FGF13: variants seen among roughly 807,000 people sequenced by gnomAD.
FGF13 encodes fibroblast growth factor 13.
In FGF13, 2 loss-of-function variants were observed where a neutral mutation model predicts 19.5. The ratio of observed to expected loss-of-function variants is 0.10; its 90% CI spans 0.04 to 0.32. FGF13 has a LOEUF of 0.32. Among genes scored for constraint, FGF13 ranks in the 10% least tolerant of loss-of-function variants. The pLI is 1.00. For synonymous variants in FGF13, 72 were observed against 76.9 expected (o/e 0.94, Z 0.33); for missense variants, 113 against 192.7 (o/e 0.59, Z 2.45).
At chrX:138,670,608 A>G (rs2089601132) in intron 3 of FGF13, among the ~76,000 whole-genome samples, 1 of 111,927 alleles carries the variant, frequency 8.9e-6, no homozygotes, top group South Asian at 3.7e-4. Context: ...ATTTACATAC[A>G]ATCAAGTAGA....
intron 1 of FGF13, among the ~76,000 whole-genome samples, chrX:138,886,840 G>A (rs1304045622): frequency 8.9e-6 from 1 of 111,894 alleles, no homozygotes; most frequent in Non-Finnish European, 1.9e-5. Context: ...TGACCACAAA[G>A]TACTATGGAT....
intron 3 of FGF13, among the ~76,000 whole-genome samples, chrX:138,645,990 AATGTT>A (rs1471079756): frequency 8.0e-5 from 9 of 112,358 alleles, no homozygotes; most frequent in African/African-American, 2.6e-4. Flanking sequence ...ACAAAACTAC[AATGTT>A]ATTATCTCAC....
intron 3 of FGF13, among the ~76,000 whole-genome samples, chrX:138,753,010 A>G (rs1257575307): frequency 8.9e-6 from 1 of 112,040 alleles, no homozygotes; most frequent in Non-Finnish European, 1.9e-5. Context: ...AACTAACCAT[A>G]TTACAGAATA....
chrX:138,983,414 T>TATATATATATATATATATATATA (rs2091972165), intron 1 of FGF13, among the ~76,000 whole-genome samples: 5 of 81,196 alleles, frequency 6.2e-5, no homozygotes, highest in Admixed American at 1.4e-4. Context: ...TAAGTTGATC[T>TATATATATATATATATATATATA]TATATATATA....
intron 1 of FGF13, among the ~76,000 whole-genome samples, chrX:139,075,663 C>T (rs911481740): frequency 1.8e-5 from 2 of 111,690 alleles, no homozygotes; most frequent in Non-Finnish European, 3.8e-5. Flanking sequence ...AGAAGGCTCT[C>T]AACTTGTCCA....
At chrX:139,152,663 C>T (rs947307225) in intron 1 of FGF13, among the ~76,000 whole-genome samples, 2 of 111,098 alleles carry the variant, frequency 1.8e-5, no homozygotes, top group African/African-American at 6.6e-5. Context: ...TGACTTCCCA[C>T]TGCCCAGGGG....
chrX:138,765,068 A>G (rs1292437800), intron 3 of FGF13, among the ~76,000 whole-genome samples: 1 of 112,191 alleles, frequency 8.9e-6, no homozygotes, highest in Non-Finnish European at 1.9e-5. Flanking sequence ...TTTGGATATG[A>G]GTTCTATCAT....
At chrX:138,909,065 G>C (rs2091573924) in intron 1 of FGF13, among the ~76,000 whole-genome samples, 1 of 112,192 alleles carries the variant, frequency 8.9e-6, no homozygotes, top group Admixed American at 9.5e-5. Flanking sequence ...AGGCTGCTTA[G>C]ACATGCTAAA....
At chrX:138,891,310 T>C (rs536490129) in intron 1 of FGF13, among the ~76,000 whole-genome samples, 1 of 111,403 alleles carries the variant, frequency 9.0e-6, no homozygotes, top group Non-Finnish European at 1.9e-5. Context: ...AAATTGTTCC[T>C]CACAGTTCTG....
chrX:138,777,474 A>G (rs930927823), intron 3 of FGF13, among the ~76,000 whole-genome samples: 1 of 111,967 alleles, frequency 8.9e-6, no homozygotes, highest in Non-Finnish European at 1.9e-5. Flanking sequence ...TTTTGTCCCA[A>G]CAAAGGAGAA....
intron 1 of FGF13, among the ~76,000 whole-genome samples, chrX:139,059,469 A>C (rs1325691767): frequency 9.1e-6 from 1 of 110,472 alleles, no homozygotes; most frequent in Non-Finnish European, 1.9e-5. Flanking sequence ...CTCTAAGTAA[A>C]AAAGGCCAGG....
At chrX:139,179,651 AGATTGCTATGAG>A (rs1310262646) in intron 1 of FGF13, among the ~76,000 whole-genome samples, 1 of 112,467 alleles carries the variant, frequency 8.9e-6, no homozygotes, top group Non-Finnish European at 1.9e-5. Flanking sequence ...CAACCTCACA[AGATTGCTATGAG>A]GATTAAACCT....
rs2090669728 is a variant in FGF13 at position 138,783,883 on chromosome X, T to C, written c.217+73629A>G. On this transcript the variant is annotated intron_variant, in intron 3 of 6. Transcript: ENST00000436198. ...ATGCACATGTATGTCTATTGCGACA[T>C]TATTCACGATAGCAAAGACTTGGAA... Among the ~76,000 whole-genome samples the C allele has an allele frequency of 4.5e-5, 5 of 110,044 alleles. No homozygotes were observed. The South Asian group carries it at 2.0e-3, about 45-fold the overall frequency.
intron 2 of FGF13, among the ~76,000 whole-genome samples, chrX:138,707,659 A>C (rs2090005016): frequency 8.9e-6 from 1 of 112,301 alleles, no homozygotes; most frequent in South Asian, 3.7e-4. Flanking sequence ...TTAATATCAC[A>C]ACAGTGACAT....
chrX:138,839,005 A>G (rs1431271087), intron 3 of FGF13, among the ~76,000 whole-genome samples: 2 of 111,534 alleles, frequency 1.8e-5, no homozygotes, highest in Non-Finnish European at 3.8e-5. Flanking sequence ...TTAATTGCCA[A>G]TGTGATGGTA....
chrX:138,971,937 G>A lies in FGF13; in HGVS notation c.-112-107287C>T, dbSNP rs144453931. ...ATTTTTTTAGATTCCACATGTAAGT[G>A]AGATCACATCATATTTGCCCTTCTG... On this transcript the variant is annotated intron_variant, in intron 1 of 2. Coordinates refer to the FGF13 transcript ENST00000421460. 2.0e-4 allele frequency among the ~76,000 whole-genome samples: 22 copies of A among 111,481 alleles called. No individual in the cohort carries two copies. The East Asian group carries it at 6.2e-3, about 31-fold the overall frequency.
intron 1 of FGF13, among the ~76,000 whole-genome samples, chrX:139,199,300 G>T (rs2084397314): frequency 9.0e-6 from 1 of 110,872 alleles, no homozygotes; most frequent in East Asian, 2.8e-4. Flanking sequence ...AATGCACATG[G>T]TTTTTCCCCC....
intron 1 of FGF13, among the ~76,000 whole-genome samples, chrX:138,909,609 A>G (rs2091576822): frequency 8.9e-6 from 1 of 112,020 alleles, no homozygotes; most frequent in Admixed American, 9.5e-5. Flanking sequence ...ACAAGGGCCA[A>G]TAGCAGGGCT....
chrX:138,827,585 T>G (rs1433346450), intron 3 of FGF13, among the ~76,000 whole-genome samples: 1 of 111,267 alleles, frequency 9.0e-6, no homozygotes, highest in Non-Finnish European at 1.9e-5. Flanking sequence ...TAGAATTTAT[T>G]AAGTGTTAGG....
Sources: gnomAD v4.1 joint callset for allele counts (sites outside exome capture counted in the v4.1 genomes callset) on GRCh38, gnomAD v4.1.1 for gene constraint, MANE v1.5 for transcripts, NCBI Gene and HGNC (gene_info 2026-07-23, HGNC 2026-07-21) for gene names.